The following DGKB variants were observed in gnomAD, a reference collection of about 807,000 sequenced individuals.
DGKB encodes 90 kDa diacylglycerol kinase.
DGKB carries 67 observed loss-of-function variants against 114.3 expected under a neutral mutation model. That is an observed-to-expected ratio of 0.59 (90% CI 0.48 to 0.72). DGKB has a LOEUF of 0.72. DGKB is among the 30% of genes least tolerant of loss of function. The pLI is 0.00. For synonymous variants in DGKB, 398 were observed against 323.1 expected (o/e 1.23, Z -2.49); for missense variants, 907 against 975.2 (o/e 0.93, Z 0.93).
intron 1 of DGKB, among the ~76,000 whole-genome samples, chr7:14,843,372 G>A (rs1030737744): frequency 8.4e-6 from 1 of 119,666 alleles, no homozygotes; most frequent in African/African-American, 3.2e-5. Flanking sequence ...CTGTCGCCCA[G>A]GCCGGACTGC....
intron 21 of DGKB, among the ~76,000 whole-genome samples, chr7:14,455,299 C>T (rs151303029): frequency 5.7e-4 from 86 of 152,086 alleles, no homozygotes; most frequent in African/African-American, 2.0e-3. Flanking sequence ...GAATCATGAA[C>T]ATTTGTTAAA....
chr7:14,598,736 T>A (rs1803024890), intron 17 of DGKB, among the ~76,000 whole-genome samples: 1 of 152,152 alleles, frequency 6.6e-6, no homozygotes, highest in Admixed American at 6.5e-5. Context: ...ATAAAGTAAA[T>A]ATTTATAAAC....
intron 4 of DGKB, among the ~76,000 whole-genome samples, chr7:14,750,793 CT>C (rs1016534410): frequency 1.8e-3 from 159 of 89,534 alleles, no homozygotes; most frequent in Admixed American, 4.0e-3. Flanking sequence ...ATTTCTATTT[CT>C]TTTTTTTTTT....
At chr7:14,435,132 T>C (rs1829048003) in intron 21 of DGKB, among the ~76,000 whole-genome samples, 2 of 152,300 alleles carry the variant, frequency 1.3e-5, no homozygotes, top group Non-Finnish European at 2.9e-5. Context: ...TTGATCTGGA[T>C]TTTTATCTCT....
At chr7:14,740,697 C>T (rs1832456574) in intron 4 of DGKB, among the ~76,000 whole-genome samples, 1 of 152,100 alleles carries the variant, frequency 6.6e-6, no homozygotes, top group Admixed American at 6.5e-5. Context: ...AGAGGTCATA[C>T]TAGTATCCAT....
rs60427374 is a variant in DGKB at position 14,939,621 on chromosome 7, C to CTTTT, written c.-188+35071_-188+35074dup. Among the ~76,000 whole-genome samples the CTTTT allele has an allele frequency of 9.0e-4, 76 of 84,160 alleles. 8 individuals carry two copies. Among genetic ancestry groups the CTTTT allele is most frequent in the African/African-American group, 2.8e-3 (59 of 20,750 alleles). The allele number at this position is 84,160 out of a possible 152,430, so 55.2% of individuals were successfully genotyped here. On this transcript the variant is annotated intron_variant, in intron 1 of 4. Transcript: ENST00000437998. Reference sequence around the variant, plus strand: ...AAACTGCTATCATGAAAATATAATACTTTTTTTTTTTTTTTTTTTTTTTTT... The same window carrying CTTTT: ...AAACTGCTATCATGAAAATATAATACTTTTTTTTTTTTTTTTTTTTTTTTTTTTT...
At chr7:14,619,625 A>G (rs1437679357) in intron 15 of DGKB, among the ~76,000 whole-genome samples, 1 of 151,692 alleles carries the variant, frequency 6.6e-6, no homozygotes, top group Non-Finnish European at 1.5e-5. Flanking sequence ...AGTTACATAC[A>G]TGTTAAAAAA....
At chr7:14,293,872 A>G (rs1802125846) in intron 23 of DGKB, among the ~76,000 whole-genome samples, 2 of 152,146 alleles carry the variant, frequency 1.3e-5, no homozygotes, top group South Asian at 4.1e-4. Context: ...GACTTTGTAC[A>G]GTCTGATTTT....
At chr7:14,448,018 G>A (rs999482722) in intron 21 of DGKB, among the ~76,000 whole-genome samples, 1 of 152,030 alleles carries the variant, frequency 6.6e-6, no homozygotes, top group African/African-American at 2.4e-5. Context: ...GAATACTCCA[G>A]TTTATGCATG....
chr7:14,325,555 T>C (rs62443153), intron 23 of DGKB, among the ~76,000 whole-genome samples: 8,881 of 152,146 alleles, frequency 0.058, 481 homozygotes, highest in East Asian at 0.26. Flanking sequence ...AATATTCTAA[T>C]AGGAATTGCC....
chr7:14,761,614 A>G (rs1047342264), intron 2 of DGKB, among the ~76,000 whole-genome samples: 7 of 152,214 alleles, frequency 4.6e-5, no homozygotes, highest in African/African-American at 1.7e-4. Context: ...AGGAAGTTAT[A>G]CCTGGATGAA....
At chr7:14,782,875 C>T (rs1839334883) in intron 2 of DGKB, among the ~76,000 whole-genome samples, 1 of 151,936 alleles carries the variant, frequency 6.6e-6, no homozygotes, top group South Asian at 2.1e-4. Flanking sequence ...TGTTCTGTGG[C>T]CCAGGCTGGA....
At chr7:14,647,941 T>A (rs1039657213) in intron 13 of DGKB, among the ~76,000 whole-genome samples, 1 of 152,192 alleles carries the variant, frequency 6.6e-6, no homozygotes, top group Non-Finnish European at 1.5e-5. Context: ...TCTGACGGGC[T>A]TAAAAAATGG....
At chr7:14,483,689 G>T (rs797009457) in intron 20 of DGKB, among the ~76,000 whole-genome samples, 4 of 152,212 alleles carry the variant, frequency 2.6e-5, no homozygotes, top group African/African-American at 9.6e-5. Context: ...AGATTATCCA[G>T]GTGGGACGTA....
chr7:14,964,008 T>C (rs1210416805), intron 1 of DGKB, among the ~76,000 whole-genome samples: 1 of 151,792 alleles, frequency 6.6e-6, no homozygotes, highest in Non-Finnish European at 1.5e-5. Context: ...TTCAGAAAAA[T>C]TTGCAGTGGG....
chr7:14,853,859 C>T (rs55635963), intron 1 of DGKB, among the ~76,000 whole-genome samples: 46,757 of 122,944 alleles, frequency 0.38, 9,434 homozygotes, highest in Non-Finnish European at 0.46. Context: ...CAGACCGAGA[C>T]TCCGTCTCAA....
intron 1 of DGKB, among the ~76,000 whole-genome samples, chr7:14,911,091 T>C (rs1783979256): frequency 6.6e-6 from 1 of 152,114 alleles, no homozygotes; most frequent in African/African-American, 2.4e-5. Context: ...TATATATATA[T>C]TGACCTTACA....
intron 23 of DGKB, among the ~76,000 whole-genome samples, chr7:14,219,018 T>C (rs1478345187): frequency 1.3e-5 from 2 of 151,998 alleles, no homozygotes; most frequent in Non-Finnish European, 2.9e-5. Flanking sequence ...AATGGAATCA[T>C]AGAATATGTA....
At chr7:14,514,561 C>G (rs1197534467) in intron 20 of DGKB, among the ~76,000 whole-genome samples, 1 of 152,080 alleles carries the variant, frequency 6.6e-6, no homozygotes, top group East Asian at 1.9e-4. Flanking sequence ...GGATGGGTAA[C>G]TTAATTATAA....
Sources: allele counts gnomAD v4.1 joint callset (sites outside exome capture counted in the v4.1 genomes callset), GRCh38; gene constraint gnomAD v4.1.1; transcripts MANE v1.5; gene names NCBI Gene and HGNC (gene_info 2026-07-23, HGNC 2026-07-21).